Variants in KCNC2 observed in about 807,000 individuals in gnomAD.
The protein encoded by KCNC2 is voltage-gated potassium channel KCNC2.
KCNC2 carries 21 observed loss-of-function variants against 44.5 expected under a neutral mutation model. The ratio of observed to expected loss-of-function variants is 0.47; its 90% confidence interval spans 0.33 to 0.68. KCNC2 has a LOEUF of 0.68. KCNC2 is among the 30% of genes least tolerant of loss of function. The probability of loss-of-function intolerance (pLI) is 0.01; values close to 1 mark genes in which losing one functional copy is unlikely to be tolerated. For missense variants in KCNC2, 589 were observed against 826.2 expected, an observed-to-expected ratio of 0.71 and a Z score of 3.52; for synonymous variants, 391 against 339.1, an observed-to-expected ratio of 1.15 and a Z score of -1.68.
intron 2 of KCNC2, among the ~76,000 whole-genome samples, chr12:75,143,961 T>C (rs1379956): frequency 0.17 from 25,124 of 152,138 alleles, 2,638 homozygotes; most frequent in African/African-American, 0.28. Context: ...ATAAAAATGA[T>C]GCACAAAAGG....
At chr12:75,149,735 A>T (rs1019130229) in intron 2 of KCNC2, among the ~76,000 whole-genome samples, 4 of 151,878 alleles carry the variant, frequency 2.6e-5, no homozygotes, top group Non-Finnish European at 5.9e-5. Context: ...CTTTGAAAAA[A>T]AAAAGTCTAG....
intron 2 of KCNC2, among the ~76,000 whole-genome samples, chr12:75,070,050 T>C (rs1883243364): frequency 6.6e-6 from 1 of 152,184 alleles, no homozygotes; most frequent in South Asian, 2.1e-4. Flanking sequence ...ATGTGGATGT[T>C]AACAATCATC....
intron 2 of KCNC2, among the ~76,000 whole-genome samples, chr12:75,134,964 C>T (rs954273286): frequency 1.3e-5 from 2 of 151,890 alleles, no homozygotes; most frequent in South Asian, 4.1e-4. Flanking sequence ...TAATTACACT[C>T]ACAGAAAGGA....
chr12:75,202,880 TGCC>T (rs1565695880), intron 2 of KCNC2, among the ~76,000 whole-genome samples: 39 of 151,532 alleles, frequency 2.6e-4, no homozygotes, highest in African/African-American at 8.9e-4. Flanking sequence ...TAATAGATAA[TGCC>T]TTTAGGAAAC....
intron 2 of KCNC2, among the ~76,000 whole-genome samples, chr12:75,159,673 A>G (rs955803735): frequency 6.6e-6 from 1 of 151,892 alleles, no homozygotes; most frequent in Non-Finnish European, 1.5e-5. Flanking sequence ...TAAACTATCT[A>G]AAAAGCAGCT....
chr12:75,155,655 C>T (rs1057391833), intron 2 of KCNC2, among the ~76,000 whole-genome samples: 22 of 151,650 alleles, frequency 1.5e-4, no homozygotes, highest in African/African-American at 5.1e-4. Flanking sequence ...AATGAGAAGG[C>T]TTGTTAAGTC....
intron 2 of KCNC2, among the ~76,000 whole-genome samples, chr12:75,189,683 T>C (rs1222960171): frequency 6.6e-6 from 1 of 152,164 alleles, no homozygotes; most frequent in Non-Finnish European, 1.5e-5. Context: ...GTCTCCTCTG[T>C]ACCACTTGAT....
chr12:75,196,551 A>G (rs1198418137), intron 2 of KCNC2, among the ~76,000 whole-genome samples: 1 of 152,132 alleles, frequency 6.6e-6, no homozygotes, highest in Non-Finnish European at 1.5e-5. Flanking sequence ...AAATGTGCTC[A>G]GTCTTTCCTC....
At chr12:75,056,165 T>C (rs1212276569) in intron 2 of KCNC2, among the ~76,000 whole-genome samples, 1 of 152,012 alleles carries the variant, frequency 6.6e-6, no homozygotes, top group Admixed American at 6.6e-5. Context: ...TGTTGTGAAA[T>C]TAGTAAAAGA....
At chr12:75,049,071 C>A (rs906171192) in intron 3 of KCNC2, among the ~76,000 whole-genome samples, 1 of 152,150 alleles carries the variant, frequency 6.6e-6, no homozygotes, top group Non-Finnish European at 1.5e-5. Context: ...AGAGCAGCAA[C>A]ACCAACTAAA....
intron 2 of KCNC2, among the ~76,000 whole-genome samples, chr12:75,082,060 C>G (rs1199564291): frequency 1.3e-5 from 2 of 151,904 alleles, no homozygotes; most frequent in Non-Finnish European, 2.9e-5. Flanking sequence ...TCAAGATGTG[C>G]AAAAGAGGCA....
At chr12:75,167,307 C>A (rs1481992404) in intron 2 of KCNC2, among the ~76,000 whole-genome samples, 2 of 151,040 alleles carry the variant, frequency 1.3e-5, no homozygotes, top group Non-Finnish European at 3.0e-5. Context: ...GTGTGGGTTA[C>A]TTATTTATTT....
In KCNC2 at chr12:75,042,357, C is replaced by T. The variant is rs1381049164; in HGVS notation, c.*748G>A. On this transcript the variant is annotated 3_prime_UTR_variant, in exon 5 of 5. Transcript: ENST00000549446. ...TCGGCTTGCGTGTAACCAGTAATGA[C>T]AACCTCTTTGCAGTTATCTGTGTGC... 6.2e-7 allele frequency: 1 copy of T among 1,612,074 alleles called. No homozygotes were observed. Among genetic ancestry groups the T allele is most frequent in the East Asian group, 2.2e-5 (1 of 44,798 alleles).
intron 2 of KCNC2, among the ~76,000 whole-genome samples, chr12:75,070,556 T>C (rs1272344967): frequency 6.6e-6 from 1 of 152,040 alleles, no homozygotes; most frequent in Admixed American, 6.6e-5. Context: ...GAAAGAAAAC[T>C]TCCCACATTG....
At chr12:75,149,055 A>G (rs1307967507) in intron 2 of KCNC2, among the ~76,000 whole-genome samples, 1 of 151,684 alleles carries the variant, frequency 6.6e-6, no homozygotes, top group Non-Finnish European at 1.5e-5. Context: ...TCTTATCACT[A>G]TCTACCAGAA....
At chr12:75,136,743 G>C (rs1889258546) in intron 2 of KCNC2, among the ~76,000 whole-genome samples, 1 of 152,040 alleles carries the variant, frequency 6.6e-6, no homozygotes, top group Admixed American at 6.6e-5. Flanking sequence ...AGTTCTACCA[G>C]ATGTACAAAG....
chr12:75,102,047 C>A (rs185682612), intron 2 of KCNC2, among the ~76,000 whole-genome samples: 120 of 152,138 alleles, frequency 7.9e-4, no homozygotes, highest in African/African-American at 2.8e-3. Context: ...AGAATAATTT[C>A]TTTGCATGCA....
Position 75,051,337 on chromosome 12 carries a change from A to T in KCNC2, c.688-20T>A, listed in dbSNP as rs552757505. The T allele has an allele frequency of 1.0e-5, 14 of 1,367,458 alleles. No homozygotes were observed. Among genetic ancestry groups the T allele is most frequent in the South Asian group, 8.1e-5 (6 of 74,220 alleles). The allele number at this position is 1,367,458 out of a possible 1,614,324, so 84.7% of individuals were successfully genotyped here. Reference sequence around the variant, plus strand: ...AATAAACTGTAGAGGAAAAAGAAATAAAAAAACCCATAGTGATCTGAATCG... The same window carrying T: ...AATAAACTGTAGAGGAAAAAGAAATTAAAAAACCCATAGTGATCTGAATCG... On this transcript the variant is annotated intron_variant, in intron 2 of 4. Transcript: ENST00000549446.
In KCNC2 at chr12:75,194,708, G is replaced by T. The variant is rs114087676; in HGVS notation, c.687+12589C>A. ...TATATCCAGGAAGGGCAAAAACTGT[G>T]GTTTGAACATGACTATGCTTTTGGC... On this transcript the variant is annotated intron_variant, in intron 2 of 4. Transcript: ENST00000549446. Among the ~76,000 whole-genome samples, 567 of 152,234 alleles carry T rather than the reference G, an allele frequency of 3.7e-3. 1 individual carries two copies. Among genetic ancestry groups the T allele is most frequent in the African/African-American group, 0.013 (533 of 41,552 alleles).
Sources: allele counts gnomAD v4.1 joint callset (sites outside exome capture counted in the v4.1 genomes callset), GRCh38; gene constraint gnomAD v4.1.1; transcripts MANE v1.5; gene names NCBI Gene and HGNC (gene_info 2026-07-23, HGNC 2026-07-21).